RSU1: variants seen among roughly 807,000 people sequenced by gnomAD.
RSU1 encodes the protein Ras suppressor protein 1, also known as rsu-1.
In RSU1, 26 loss-of-function variants were observed where a neutral mutation model predicts 31.1. The observed-to-expected ratio is 0.84, with a 90% CI of 0.61 to 1.16. The LOEUF (loss-of-function observed/expected upper bound fraction) is 1.16. Ranked by LOEUF, RSU1 falls within the 50% of genes most tolerant of loss-of-function variation. The probability of loss-of-function intolerance (pLI) is 0.00; values close to 1 mark genes in which losing one functional copy is unlikely to be tolerated. For synonymous variants in RSU1, 164 were observed against 136.3 expected (o/e 1.20, Z -1.41); for missense variants, 320 against 339.1 (o/e 0.94, Z 0.44).
chr10:16,650,576 C>CTTTTTT (rs139231306), intron 8 of RSU1, among the ~76,000 whole-genome samples: 36 of 112,540 alleles, frequency 3.2e-4, no homozygotes, highest in African/African-American at 1.0e-3. Context: ...TCCTGAAAAG[C>CTTTTTT]TTTTTTTTTT....
At chr10:16,604,703 T>C (rs1395320046) in intron 8 of RSU1, among the ~76,000 whole-genome samples, 2 of 152,040 alleles carry the variant, frequency 1.3e-5, no homozygotes, top group Non-Finnish European at 2.9e-5. Flanking sequence ...TTAAATACCG[T>C]GATGTGACTG....
chr10:16,703,366 A>G (rs976101916), intron 7 of RSU1, among the ~76,000 whole-genome samples: 3 of 152,236 alleles, frequency 2.0e-5, no homozygotes, highest in African/African-American at 7.2e-5. Context: ...CTCTTCTCTG[A>G]AAAGCAATCT....
chr10:16,658,049 T>C (rs989372921), intron 8 of RSU1, among the ~76,000 whole-genome samples: 4 of 152,166 alleles, frequency 2.6e-5, no homozygotes, highest in African/African-American at 9.6e-5. Context: ...AAGATGCAAC[T>C]TGATGCCCCG....
chr10:16,605,193 T>C (rs969442727), intron 8 of RSU1, among the ~76,000 whole-genome samples: 1 of 152,204 alleles, frequency 6.6e-6, no homozygotes, highest in African/African-American at 2.4e-5. Flanking sequence ...ACGTCACCAC[T>C]CTGGTCTACT....
At chr10:16,761,948 C>T (rs6602156) in intron 4 of RSU1, among the ~76,000 whole-genome samples, 15,448 of 152,092 alleles carry the variant, frequency 0.1, 2,536 homozygotes, top group African/African-American at 0.35. Context: ...CATCAAGTCT[C>T]GGCTCCTGTG....
chr10:16,794,432 C>T (rs775082610), intron 2 of RSU1, among the ~76,000 whole-genome samples: 2 of 151,916 alleles, frequency 1.3e-5, no homozygotes, highest in African/African-American at 2.4e-5. Context: ...TTTCTAACTA[C>T]CTTCCTCCTC....
intron 3 of RSU1, among the ~76,000 whole-genome samples, chr10:16,775,437 G>T (rs1048405432): frequency 6.6e-6 from 1 of 151,972 alleles, no homozygotes; most frequent in Non-Finnish European, 1.5e-5. Context: ...GCTGGCTTCC[G>T]CTTAGCACAA....
intron 4 of RSU1, among the ~76,000 whole-genome samples, chr10:16,763,875 T>C (rs1837257744): frequency 6.6e-6 from 1 of 152,216 alleles, no homozygotes; most frequent in Non-Finnish European, 1.5e-5. Flanking sequence ...CAACCTCAGC[T>C]GAATCAAAAC....
intron 7 of RSU1, among the ~76,000 whole-genome samples, chr10:16,751,407 C>G (rs543054845): frequency 6.6e-6 from 1 of 152,270 alleles, no homozygotes; most frequent in East Asian, 1.9e-4. Context: ...AGCTGGTCCA[C>G]GAAATCACGT....
intron 7 of RSU1, among the ~76,000 whole-genome samples, chr10:16,734,677 T>G (rs1161446525): frequency 1.3e-5 from 2 of 152,188 alleles, no homozygotes; most frequent in Non-Finnish European, 2.9e-5. Context: ...ATGACATGAA[T>G]AAGCAGGTGA....
chr10:16,656,387 TAATC>T (rs1185954193), intron 8 of RSU1, among the ~76,000 whole-genome samples: 4 of 152,248 alleles, frequency 2.6e-5, no homozygotes, highest in South Asian at 2.1e-4. Flanking sequence ...GTTATTTACT[TAATC>T]AATCAAATCT....
chr10:16,792,649 T>G (rs1252806315), intron 2 of RSU1, among the ~76,000 whole-genome samples: 1 of 152,204 alleles, frequency 6.6e-6, no homozygotes, highest in African/African-American at 2.4e-5. Context: ...CTATTCCAAT[T>G]CTGCAAGATT....
intron 3 of RSU1, among the ~76,000 whole-genome samples, chr10:16,772,730 GCT>G (rs1837448618): frequency 1.3e-5 from 2 of 151,266 alleles, no homozygotes; most frequent in South Asian, 4.2e-4. Context: ...ACTGATCTAG[GCT>G]CTTTTATATG....
At chr10:16,654,843 G>T (rs1340410499) in intron 8 of RSU1, among the ~76,000 whole-genome samples, 1 of 151,920 alleles carries the variant, frequency 6.6e-6, no homozygotes, top group African/African-American at 2.4e-5. Context: ...AGGATCACTT[G>T]AGGCTAGGAG....
intron 3 of RSU1, among the ~76,000 whole-genome samples, chr10:16,770,826 G>A (rs1164198254): frequency 3.3e-5 from 5 of 152,166 alleles, no homozygotes; most frequent in South Asian, 4.1e-4. Context: ...CTACTGTCTC[G>A]TGCCCATTTC....
intron 7 of RSU1, among the ~76,000 whole-genome samples, chr10:16,750,362 G>A (rs938279187): frequency 9.2e-5 from 14 of 151,992 alleles, no homozygotes; most frequent in African/African-American, 2.4e-4. Flanking sequence ...CATACGGCTC[G>A]CAAAAATAAA....
At chr10:16,709,228 G>A (rs1314487221) in intron 7 of RSU1, among the ~76,000 whole-genome samples, 1 of 148,680 alleles carries the variant, frequency 6.7e-6, no homozygotes, top group Non-Finnish European at 1.5e-5. Flanking sequence ...TCCCATCTAT[G>A]AGTGAGAACA....
At chr10:16,724,122 T>C (rs1240677274) in intron 7 of RSU1, among the ~76,000 whole-genome samples, 1 of 151,992 alleles carries the variant, frequency 6.6e-6, no homozygotes, top group Non-Finnish European at 1.5e-5. Context: ...TTTGTATTTT[T>C]AGTAGAGACG....
intron 7 of RSU1, among the ~76,000 whole-genome samples, chr10:16,713,170 A>G (rs1170289700): frequency 6.6e-6 from 1 of 152,186 alleles, no homozygotes; most frequent in Non-Finnish European, 1.5e-5. Context: ...GAGTATGATT[A>G]TAATGTGCCT....
Sources: allele counts gnomAD v4.1 joint callset (sites outside exome capture counted in the v4.1 genomes callset), GRCh38; gene constraint gnomAD v4.1.1; transcripts MANE v1.5; gene names NCBI Gene and HGNC (gene_info 2026-07-23, HGNC 2026-07-21).